ZBBX: variants seen among roughly 807,000 people sequenced by gnomAD.
ZBBX encodes the protein zinc finger B-box domain containing.
In ZBBX, 101 loss-of-function variants were observed where a neutral mutation model predicts 108.5. The observed-to-expected ratio is 0.93, with a 90% CI of 0.79 to 1.10. The LOEUF is 1.10. ZBBX is among the 50% of genes least tolerant of loss of function. The pLI is 0.00. For missense variants in ZBBX, 1,009 were observed against 941.4 expected (o/e 1.07, Z -0.94); for synonymous variants, 356 against 323.4 (o/e 1.10, Z -1.08).
Position 167,398,376 on chromosome 3 carries a change from T to C in ZBBX, c.-446+9350A>G, listed in dbSNP as rs533751390. Among the ~76,000 whole-genome samples the C allele has an allele frequency of 1.4e-4, 21 of 152,206 alleles. No homozygotes were observed. In the East Asian group the frequency reaches 4.1e-3, roughly 29 times the overall value. Reference sequence around the variant, plus strand: ...CAAATATAAAAAGGCATAAGATTCTTTAAAGGGCCCAATAACATTGTCAAT... The same window carrying C: ...CAAATATAAAAAGGCATAAGATTCTCTAAAGGGCCCAATAACATTGTCAAT... On this transcript the variant is annotated intron_variant, in intron 1 of 21. Coordinates refer to the ZBBX transcript ENST00000455345.
At chr3:167,367,366 G>A (rs913353966) in intron 5 of ZBBX, among the ~76,000 whole-genome samples, 18 of 151,784 alleles carry the variant, frequency 1.2e-4, no homozygotes, top group African/African-American at 4.3e-4. Context: ...GAAGAAGCAT[G>A]TTCATGGCAG....
rs571517397 is a variant in ZBBX, at chr3:167,322,048, C to T, written c.983+69G>A. 10 of 917,686 alleles carry T rather than the reference C, an allele frequency of 1.1e-5. No individual in the cohort carries two copies. The South Asian group carries it at 3.2e-4, about 29-fold the overall frequency. 56.8% of individuals were successfully genotyped at this position (917,686 alleles called of 1,614,324 possible). ...TACATATAAAATTGCTATAGGAAGG[C>T]ATGTCATACAAGAAAGAAACATAAA... On this transcript the variant is annotated intron_variant, in intron 12 of 21. Transcript: ENST00000675490.
chr3:167,215,000 T>C, the ZBBX span, among the ~76,000 whole-genome samples: 1 of 150,958 alleles, frequency 6.6e-6, no homozygotes, highest in African/African-American at 2.4e-5. Context: ...TTGAGGAAAA[T>C]TCATACCATT....
At chr3:167,395,788 T>C (rs190071642) in intron 1 of ZBBX, among the ~76,000 whole-genome samples, 37 of 152,092 alleles carry the variant, frequency 2.4e-4, no homozygotes, top group African/African-American at 8.9e-4. Flanking sequence ...TATCATAAAT[T>C]GCAAATTTGG....
At chr3:167,350,922 T>C (rs955124676) in intron 8 of ZBBX, among the ~76,000 whole-genome samples, 2 of 152,070 alleles carry the variant, frequency 1.3e-5, no homozygotes, top group East Asian at 1.9e-4. Context: ...TTCATTTGTA[T>C]GAGTTATTTT....
chr3:167,356,109 A>G (rs890578554), intron 8 of ZBBX, among the ~76,000 whole-genome samples: 4 of 152,114 alleles, frequency 2.6e-5, no homozygotes, highest in African/African-American at 9.7e-5. Flanking sequence ...ATTGACTCAT[A>G]GCTCCTGTAT....
intron 5 of ZBBX, among the ~76,000 whole-genome samples, chr3:167,367,605 C>T (rs957615329): frequency 1.4e-4 from 21 of 147,800 alleles, no homozygotes; most frequent in Admixed American, 6.1e-4. Context: ...AAAAAGTAAA[C>T]GATACAATAT....
At chr3:167,203,697 C>G in the ZBBX span, among the ~76,000 whole-genome samples, 2 of 152,168 alleles carry the variant, frequency 1.3e-5, no homozygotes, top group East Asian at 1.9e-4. Context: ...AATAACCTAT[C>G]TTTATAAGCA....
chr3:167,269,431 C>T (rs1339022085), intron 20 of ZBBX, among the ~76,000 whole-genome samples: 1 of 152,182 alleles, frequency 6.6e-6, no homozygotes, highest in Non-Finnish European at 1.5e-5. Context: ...TGAAGTTAGG[C>T]ATAGTCTTAT....
intron 20 of ZBBX, among the ~76,000 whole-genome samples, chr3:167,274,627 G>T (rs189070139): frequency 6.6e-6 from 1 of 152,098 alleles, no homozygotes; most frequent in Non-Finnish European, 1.5e-5. Context: ...AACAGTTACT[G>T]TAAACAGCCT....
intron 6 of ZBBX, among the ~76,000 whole-genome samples, chr3:167,362,170 T>A (rs774617860): frequency 6.6e-6 from 1 of 152,098 alleles, no homozygotes; most frequent in Non-Finnish European, 1.5e-5. Flanking sequence ...TATACATATA[T>A]AATACATGCA....
At position 167,322,057 on chromosome 3, in the gene ZBBX, C is replaced by A. The variant is rs538599256; in HGVS notation, c.983+60G>T. 4.0e-5 allele frequency: 41 copies of A among 1,037,722 alleles called. 1 individual carries two copies. In the South Asian group the frequency reaches 1.2e-3, roughly 30 times the overall value. 64.3% of individuals were successfully genotyped at this position (1,037,722 alleles called of 1,614,324 possible). On this transcript the variant is annotated intron_variant, in intron 12 of 21. Transcript: ENST00000675490. ...AATTGCTATAGGAAGGCATGTCATA[C>A]AAGAAAGAAACATAAATAACTTTCA...
chr3:167,347,451 G>A (rs1741670112), intron 9 of ZBBX, among the ~76,000 whole-genome samples: 2 of 151,854 alleles, frequency 1.3e-5, no homozygotes, highest in South Asian at 4.1e-4. Context: ...AAACCTGGAG[G>A]ACATTACAGT....
chr3:167,377,743 G>A (rs560021518), intron 2 of ZBBX, among the ~76,000 whole-genome samples: 79 of 152,056 alleles, frequency 5.2e-4, no homozygotes, highest in African/African-American at 1.9e-3. Context: ...TTCTAGAATA[G>A]TATCTTGTGC....
chr3:167,264,630 A>G (rs555764073), intron 20 of ZBBX, among the ~76,000 whole-genome samples: 21 of 152,256 alleles, frequency 1.4e-4, no homozygotes, highest in African/African-American at 4.6e-4. Flanking sequence ...TAGTCTTTCT[A>G]CTTAAGTCAG....
upstream of ZBBX, among the ~76,000 whole-genome samples, chr3:167,384,306 T>C (rs1356288710): frequency 6.6e-6 from 1 of 152,074 alleles, no homozygotes; most frequent in Non-Finnish European, 1.5e-5. Flanking sequence ...TTTCAAAGGA[T>C]TTTGTAAACT....
chr3:167,256,055 A>G (rs1377115524), intron 20 of ZBBX, among the ~76,000 whole-genome samples: 2 of 152,110 alleles, frequency 1.3e-5, no homozygotes, highest in African/African-American at 4.8e-5. Context: ...GATAACATGC[A>G]AAGTTCGTCT....
At chr3:167,282,820 A>C (rs1314528195) in intron 19 of ZBBX, among the ~76,000 whole-genome samples, 3 of 152,222 alleles carry the variant, frequency 2.0e-5, no homozygotes, top group African/African-American at 7.2e-5. Context: ...CAATTTTATA[A>C]CGTATTCCAA....
chr3:167,371,966 C>T (rs1252263348), intron 4 of ZBBX, among the ~76,000 whole-genome samples: 1 of 152,132 alleles, frequency 6.6e-6, no homozygotes, highest in Non-Finnish European at 1.5e-5. Context: ...GTAATCCCAG[C>T]ACTTTGGGAG....
Sources: gnomAD v4.1 joint callset for allele counts (sites outside exome capture counted in the v4.1 genomes callset) on GRCh38, gnomAD v4.1.1 for gene constraint, MANE v1.5 for transcripts, NCBI Gene and HGNC (gene_info 2026-07-23, HGNC 2026-07-21) for gene names.